The following USP8 variants were observed in gnomAD, a reference collection of about 807,000 sequenced individuals.
USP8 encodes the protein ubiquitin specific peptidase 8.
USP8 carries 27 observed loss-of-function variants against 130.0 expected under a neutral mutation model. That is an observed-to-expected ratio of 0.21 (90% CI 0.15 to 0.29). The LOEUF (loss-of-function observed/expected upper bound fraction) is 0.29, where lower values mean the gene tolerates loss of function less well. Ranked by LOEUF, USP8 falls within the 10% of genes least tolerant of loss-of-function variation. The probability of loss-of-function intolerance (pLI) is 1.00; values close to 1 mark genes in which losing one functional copy is unlikely to be tolerated. For synonymous variants in USP8, 392 were observed against 444.1 expected (o/e 0.88, Z 1.48); for missense variants, 1,029 against 1,312.2 (o/e 0.78, Z 3.33).
At chr15:50,454,939 G>A (rs547112900) in intron 4 of USP8, among the ~76,000 whole-genome samples, 3 of 151,870 alleles carry the variant, frequency 2.0e-5, no homozygotes, top group Non-Finnish European at 4.4e-5. Context: ...CTCTGCTCCT[G>A]GCTAATTTTA....
Position 50,470,749 on chromosome 15 carries a change from G to C in USP8, c.687-884G>C, listed in dbSNP as rs139096022. Among the ~76,000 whole-genome samples, 790 of 152,124 alleles carry C rather than the reference G, an allele frequency of 5.2e-3. 6 individuals carry two copies. The highest frequency in any genetic ancestry group is 0.018 in the African/African-American group (759 of 41,512). ...TCAGTAGCTGGGATTACAGGCGCCT[G>C]CCACCATGCCCGGCTAATTTTTGTA... On this transcript the variant is annotated intron_variant, in intron 7 of 19. Coordinates refer to ENST00000307179, the MANE Select transcript of USP8 (RefSeq NM_005154.5).
At chr15:50,492,941 A>G (rs1342691288) in intron 15 of USP8, 28 bp downstream of exon 15, 1 of 1,590,548 alleles carries the variant, frequency 6.3e-7, no homozygotes, top group South Asian at 1.1e-5. Context: ...TTTTTGCATT[A>G]TAATGCTAAA....
At chr15:50,494,424 C>T in intron 16 of USP8, 144 bp downstream of exon 16, 1 of 668,248 alleles carries the variant, frequency 1.5e-6, no homozygotes, top group South Asian at 2.6e-5. Flanking sequence ...AATTATAAAA[C>T]ATCAGGTAAG....
intron 16 of USP8, among the ~76,000 whole-genome samples, chr15:50,494,892 G>A (rs540303278): frequency 6.6e-6 from 1 of 152,040 alleles, no homozygotes; most frequent in Non-Finnish European, 1.5e-5. Flanking sequence ...GCATGTGCCT[G>A]TAATCCCAGC....
Position 50,501,979 on chromosome 15 carries a change from C to A in USP8, c.*2891C>A, listed in dbSNP as rs561717414. ...CTTTTCAGTGGCTGCTTTAATGATACAACAGTAAAACTGAATAGTTGCAGC... is the reference window on the plus strand; with the variant it reads ...CTTTTCAGTGGCTGCTTTAATGATAAAACAGTAAAACTGAATAGTTGCAGC... On this transcript the variant is annotated 3_prime_UTR_variant, in exon 20 of 20. Coordinates refer to ENST00000307179, the MANE Select transcript of USP8 (RefSeq NM_005154.5). The A allele has an allele frequency of 2.0e-5, 3 of 152,292 alleles. No individual in the cohort carries two copies. Among genetic ancestry groups the A allele is most frequent in the East Asian group, 3.9e-4 (2 of 5,190 alleles). 9.4% of individuals were successfully genotyped at this position (152,292 alleles called of 1,614,324 possible).
chr15:50,464,567 A>G (rs1566862474), intron 6 of USP8, among the ~76,000 whole-genome samples: 1 of 152,212 alleles, frequency 6.6e-6, no homozygotes, highest in Admixed American at 6.6e-5. Context: ...AATGTTAAAA[A>G]CACAAGGTCA....
intron 12 of USP8, among the ~76,000 whole-genome samples, chr15:50,488,139 A>G (rs1208703714): frequency 6.6e-6 from 1 of 152,140 alleles, no homozygotes; most frequent in African/African-American, 2.4e-5. Context: ...TATTTTTCAC[A>G]TGTGGATTGT....
rs182065058 is a variant in USP8 at position 50,503,581 on chromosome 15, G to C, written c.*4493G>C. On this transcript the variant is annotated 3_prime_UTR_variant, in exon 20 of 20. Transcript: ENST00000307179. ...AAACAAAATCCACCCTCTAGTGCTTGTGTTAGCTTGGACTCATGGTACAGA... is the reference window on the plus strand; with the variant it reads ...AAACAAAATCCACCCTCTAGTGCTTCTGTTAGCTTGGACTCATGGTACAGA... 6.6e-6 allele frequency: 1 copy of C among 152,244 alleles called. No homozygotes were observed. Among genetic ancestry groups the C allele is most frequent in the African/African-American group, 2.4e-5 (1 of 41,466 alleles). The allele number at this position is 152,244 out of a possible 1,614,324, so 9.4% of individuals were successfully genotyped here. A position where few individuals can be genotyped will look rare whatever the true frequency, so the allele number is the denominator to read the frequency against.
In USP8 at chr15:50,481,565, C is replaced by A; in HGVS notation, c.1303C>A (p.Pro435Thr). Residue 435 changes from proline to threonine, a missense_variant, in exon 11 of 20, where the codon CCT (proline) becomes ACT (threonine). Transcript: ENST00000307179. The stretch of plus-strand genomic sequence containing the variant: ...AAGTACAAACCATGAGCAACAATCT[C>A]CTCAGAGTGGAAAAGTTATTCCTGA... ...SESTNHEQQS[P>T]QSGKVIPDRS... 1 of 1,613,950 alleles carries A rather than the reference C, an allele frequency of 6.2e-7. No homozygotes were observed. The highest frequency in any genetic ancestry group is 8.5e-7 in the Non-Finnish European group (1 of 1,179,988).
At chr15:50,479,497 G>T (rs2141301616) in intron 10 of USP8, among the ~76,000 whole-genome samples, 1 of 152,242 alleles carries the variant, frequency 6.6e-6, no homozygotes, top group South Asian at 2.1e-4. Flanking sequence ...AACCATTAAA[G>T]AATTTTAAAC....
chr15:50,498,503 T>C, intron 18 of USP8, 93 bp from the exon 19 acceptor site: 1 of 1,424,236 alleles, frequency 7.0e-7, no homozygotes, highest in South Asian at 1.7e-5. Flanking sequence ...GAAATGGATT[T>C]TACAGTCCTG....
At position 50,499,347 on chromosome 15, in the gene USP8, GC is replaced by G; in HGVS notation, c.*260del. The stretch of plus-strand genomic sequence containing the variant: ...GCTCCAAAGTTAAAATAATTAACTA[GC>G]TAAGCATTATTATTCGACTGGTCTA... On this transcript the variant is annotated 3_prime_UTR_variant, in exon 20 of 20. Transcript: ENST00000307179. 3.3e-6 allele frequency: 1 copy of G among 303,426 alleles called. No individual in the cohort carries two copies. Among genetic ancestry groups the G allele is most frequent in the Non-Finnish European group, 6.0e-6 (1 of 166,406 alleles). 18.8% of individuals were successfully genotyped at this position (303,426 alleles called of 1,614,324 possible).
intron 1 of USP8, among the ~76,000 whole-genome samples, chr15:50,433,159 G>C (rs1394648200): frequency 6.6e-6 from 1 of 152,068 alleles, no homozygotes; most frequent in Non-Finnish European, 1.5e-5. Context: ...GCTTGAATCT[G>C]GGAAGTGGAG....
intron 7 of USP8, chr15:50,466,980 C>A: frequency 2.0e-6 from 1 of 489,090 alleles, no homozygotes; most frequent in Non-Finnish European, 3.8e-6. Flanking sequence ...GGATCATTTC[C>A]ATATGAGAAT....
At position 50,500,651 on chromosome 15, in the gene USP8, G is replaced by C. The variant is rs894132907; in HGVS notation, c.*1563G>C. The C allele has an allele frequency of 4.2e-6, 4 of 945,940 alleles. No individual in the cohort carries two copies. The Admixed American group carries it at 8.9e-5, about 21-fold the overall frequency. 58.6% of individuals were successfully genotyped at this position (945,940 alleles called of 1,614,324 possible). On this transcript the variant is annotated 3_prime_UTR_variant, in exon 20 of 20. Coordinates refer to ENST00000307179, the MANE Select transcript of USP8 (RefSeq NM_005154.5). ...GTGTTCAGGAAACACCATTTTCCTG[G>C]CTCTTAACGCTTTTGTATTGGTATG...
intron 7 of USP8, among the ~76,000 whole-genome samples, chr15:50,469,685 G>T (rs1386914596): frequency 6.6e-6 from 1 of 152,046 alleles, no homozygotes; most frequent in Non-Finnish European, 1.5e-5. Context: ...GTGGATAAAA[G>T]TTGTACCAGT....
At position 50,509,177 on chromosome 15, in the gene USP8, G is replaced by A. The variant is rs1483313020; in HGVS notation, c.*10089G>A. Reference sequence around the variant, plus strand: ...AAAAAAAAAATTACAAAATTAGCTGGACATGGTGTTGTGCCTGTAGTTCCA... The same window carrying A: ...AAAAAAAAAATTACAAAATTAGCTGAACATGGTGTTGTGCCTGTAGTTCCA... On this transcript the variant is annotated 3_prime_UTR_variant, in exon 20 of 20. Coordinates refer to ENST00000307179, the MANE Select transcript of USP8 (RefSeq NM_005154.5). 1.4e-5 allele frequency: 2 copies of A among 143,698 alleles called. No individual in the cohort carries two copies. Among genetic ancestry groups the A allele is most frequent in the African/African-American group, 2.6e-5 (1 of 38,106 alleles). The allele number at this position is 143,698 out of a possible 1,614,324, so 8.9% of individuals were successfully genotyped here.
intron 4 of USP8, among the ~76,000 whole-genome samples, chr15:50,458,112 C>T (rs920514926): frequency 6.6e-6 from 1 of 152,078 alleles, no homozygotes; most frequent in Admixed American, 6.6e-5. Context: ...TGATAACGTA[C>T]AGTCTGTCCT....
Position 50,492,790 on chromosome 15 carries a change from C to T in USP8, c.2324C>T (p.Ala775Val). The change falls in exon 15 of 20, where the codon GCT becomes GTT. Residue 775 changes from alanine (A) to valine (V), a missense_variant. Physicochemically the swap from Ala to Val is moderately conservative, Grantham distance 64. Transcript: ENST00000307179. ...LNPVFGGSGP[A>V]LTGLRNLGNT... ...CCTGTTTTTGGAGGTTCTGGACCAG[C>T]TCTTACTGGACTTCGTAACTTAGGA... 6.2e-7 allele frequency: 1 copy of T among 1,614,154 alleles called. No individual in the cohort carries two copies. Among genetic ancestry groups the T allele is most frequent in the Non-Finnish European group, 8.5e-7 (1 of 1,180,028 alleles).
Sources: gnomAD v4.1 joint callset for allele counts (sites outside exome capture counted in the v4.1 genomes callset) on GRCh38, gnomAD v4.1.1 for gene constraint, MANE v1.5 for transcripts, NCBI Gene and HGNC (gene_info 2026-07-23, HGNC 2026-07-21) for gene names.